Variants in ZBTB20 observed in about 807,000 individuals in gnomAD.
The protein encoded by ZBTB20 is zinc finger and BTB domain-containing protein 20.
Under a neutral mutation model 56.9 loss-of-function variants are expected in ZBTB20, and 9 were observed. That is an observed-to-expected ratio of 0.16 (90% CI 0.10 to 0.28). The LOEUF is 0.28. Among genes scored for constraint, ZBTB20 ranks in the 10% least tolerant of loss-of-function variants. The pLI is 1.00. For missense variants in ZBTB20, 655 were observed against 1,003.0 expected, an observed-to-expected ratio of 0.65 and a Z score of 4.69; for synonymous variants, 417 against 420.7, an observed-to-expected ratio of 0.99 and a Z score of 0.11.
chr3:114,916,059 TA>T (rs1438812903), intron 3 of ZBTB20, among the ~76,000 whole-genome samples: 4 of 152,128 alleles, frequency 2.6e-5, no homozygotes, highest in African/African-American at 9.7e-5. Flanking sequence ...AAATATGTAT[TA>T]GGTTCATTCA....
At chr3:114,768,785 G>A (rs2068963727) in intron 5 of ZBTB20, among the ~76,000 whole-genome samples, 1 of 152,160 alleles carries the variant, frequency 6.6e-6, no homozygotes, top group Admixed American at 6.6e-5. Context: ...AGCGAGGGAA[G>A]AGAGGCTACA....
chr3:114,617,495 T>A (rs1449046291), intron 6 of ZBTB20, among the ~76,000 whole-genome samples: 1 of 152,226 alleles, frequency 6.6e-6, no homozygotes, highest in African/African-American at 2.4e-5. Context: ...TCCTTGAACA[T>A]CCTTCAGTTA....
intron 2 of ZBTB20, among the ~76,000 whole-genome samples, chr3:115,015,072 T>C (rs1013899758): frequency 2.6e-5 from 4 of 151,812 alleles, no homozygotes; most frequent in Non-Finnish European, 4.4e-5. Flanking sequence ...GTTGTGGTCT[T>C]ACTTGCTGTG....
chr3:114,524,887 G>C (rs1231516789), intron 6 of ZBTB20, among the ~76,000 whole-genome samples: 1 of 152,092 alleles, frequency 6.6e-6, no homozygotes. Context: ...GCTAATTTTT[G>C]TATTTTAGTA....
intron 4 of ZBTB20, among the ~76,000 whole-genome samples, chr3:114,810,812 G>A (rs1485125682): frequency 6.6e-6 from 1 of 152,078 alleles, no homozygotes; most frequent in Non-Finnish European, 1.5e-5. Flanking sequence ...GGTGGCGGGG[G>A]GGAAGTCTAA....
intron 6 of ZBTB20, among the ~76,000 whole-genome samples, chr3:114,545,248 G>A (rs1026351537): frequency 6.6e-6 from 1 of 152,192 alleles, no homozygotes; most frequent in Non-Finnish European, 1.5e-5. Context: ...TAAAAGAGCT[G>A]CTAGTACTTT....
intron 2 of ZBTB20, among the ~76,000 whole-genome samples, chr3:114,975,997 T>C (rs532834673): frequency 6.6e-6 from 1 of 152,300 alleles, no homozygotes; most frequent in East Asian, 1.9e-4. Flanking sequence ...GCACTAAATC[T>C]GTATCTATTT....
At chr3:114,620,152 C>T (rs147468297) in intron 6 of ZBTB20, among the ~76,000 whole-genome samples, 2 of 152,174 alleles carry the variant, frequency 1.3e-5, no homozygotes, top group Non-Finnish European at 2.9e-5. Flanking sequence ...ATTACCCAAG[C>T]ATTGTGGGGA....
chr3:114,596,541 G>C, intron 6 of ZBTB20, among the ~76,000 whole-genome samples: 1 of 152,152 alleles, frequency 6.6e-6, no homozygotes, highest in East Asian at 1.9e-4. Flanking sequence ...CATTCACTAA[G>C]AGCATGATGG....
intron 2 of ZBTB20, among the ~76,000 whole-genome samples, chr3:115,010,499 T>C (rs971899361): frequency 2.0e-5 from 3 of 151,958 alleles, no homozygotes; most frequent in Admixed American, 1.3e-4. Flanking sequence ...AACAAGAGTC[T>C]CTGCCTGGTA....
chr3:114,588,558 AT>A (rs958515299), intron 6 of ZBTB20, among the ~76,000 whole-genome samples: 1 of 151,910 alleles, frequency 6.6e-6, no homozygotes, highest in Admixed American at 6.6e-5. Context: ...AGTATTTCCA[AT>A]TTTTTTTAAC....
In ZBTB20 at chr3:114,689,419, T is replaced by C. The variant is rs1021856936; in HGVS notation, c.-295+4109A>G. On this transcript the variant is annotated intron_variant, in intron 6 of 11. Coordinates refer to ENST00000675478, the MANE Select transcript of ZBTB20 (RefSeq NM_001348800.3). ...CCTGCCTCATGTAAGCAGAATCATC[T>C]AACCACAATTCTGAGCTTAACTGGG... 2.6e-5 allele frequency among the ~76,000 whole-genome samples: 4 copies of C among 152,134 alleles called. No individual in the cohort carries two copies. In the South Asian group the frequency reaches 6.2e-4, roughly 24 times the overall value.
intron 3 of ZBTB20, among the ~76,000 whole-genome samples, chr3:114,957,528 C>T (rs753736235): frequency 1.3e-5 from 2 of 152,298 alleles, no homozygotes; most frequent in East Asian, 1.9e-4. Flanking sequence ...TAAAGAACAT[C>T]TATCTTATGG....
At chr3:115,131,398 A>G (rs769350743) in intron 1 of ZBTB20, among the ~76,000 whole-genome samples, 4 of 152,190 alleles carry the variant, frequency 2.6e-5, no homozygotes, top group South Asian at 2.1e-4. Context: ...CTTCTCACTC[A>G]TAAGAAACTC....
rs575705314 is a variant in ZBTB20, at chr3:114,524,875, C to T, written c.-294-24484G>A. On this transcript the variant is annotated intron_variant, in intron 6 of 11. Coordinates refer to ENST00000675478, the MANE Select transcript of ZBTB20 (RefSeq NM_001348800.3). ...GATTACAGGCACGCACCACCACACC[C>T]GGCTAATTTTTGTATTTTAGTAGAG... Among the ~76,000 whole-genome samples the T allele has an allele frequency of 5.9e-5, 9 of 152,202 alleles. No homozygotes were observed. The East Asian group carries it at 1.4e-3, about 23-fold the overall frequency.
chr3:114,758,719 TCTAA>T (rs1414994806), intron 5 of ZBTB20, among the ~76,000 whole-genome samples: 2 of 152,144 alleles, frequency 1.3e-5, no homozygotes, highest in Non-Finnish European at 2.9e-5. Flanking sequence ...TTCTCACGTC[TCTAA>T]CTTTCACAAT....
intron 10 of ZBTB20, among the ~76,000 whole-genome samples, chr3:114,372,013 T>C (rs913976047): frequency 6.6e-6 from 1 of 152,192 alleles, no homozygotes; most frequent in Non-Finnish European, 1.5e-5. Flanking sequence ...AAGATCCGAC[T>C]TGAAATTTCC....
intron 5 of ZBTB20, among the ~76,000 whole-genome samples, chr3:114,726,118 TGA>T (rs533412782): frequency 2.6e-5 from 4 of 152,160 alleles, no homozygotes; most frequent in Admixed American, 6.5e-5. Flanking sequence ...GAGCCAAAAC[TGA>T]GAGAATGCTG....
In ZBTB20 at chr3:114,565,489, T is replaced by C. The variant is rs200228146; in HGVS notation, c.-294-65098A>G. Among the ~76,000 whole-genome samples the C allele has an allele frequency of 5.9e-5, 9 of 152,356 alleles. No homozygotes were observed. In the East Asian group the frequency reaches 7.7e-4, roughly 13 times the overall value. On this transcript the variant is annotated intron_variant, in intron 6 of 11. Coordinates refer to ENST00000675478, the MANE Select transcript of ZBTB20 (RefSeq NM_001348800.3). ...GCACAGATTACAAAATATCTGTTCTTGGCAACTTTCTTCATTAGCTTTTTC... is the reference window on the plus strand; with the variant it reads ...GCACAGATTACAAAATATCTGTTCTCGGCAACTTTCTTCATTAGCTTTTTC...
Sources: gnomAD v4.1 joint callset for allele counts (sites outside exome capture counted in the v4.1 genomes callset) on GRCh38, gnomAD v4.1.1 for gene constraint, MANE v1.5 for transcripts, NCBI Gene and HGNC (gene_info 2026-07-23, HGNC 2026-07-21) for gene names.